CACNA2D1: variants seen among roughly 807,000 people sequenced by gnomAD.
CACNA2D1 encodes voltage-dependent calcium channel subunit alpha-2/delta-1.
Under a neutral mutation model 171.5 loss-of-function variants are expected in CACNA2D1, and 53 were observed. The ratio of observed to expected loss-of-function variants is 0.31; its 90% CI spans 0.25 to 0.39. CACNA2D1 has a LOEUF of 0.39. Ranked by LOEUF, CACNA2D1 falls within the 10% of genes least tolerant of loss-of-function variation. The probability of loss-of-function intolerance (pLI) is 1.00; values close to 1 mark genes in which losing one functional copy is unlikely to be tolerated. For missense variants in CACNA2D1, 903 were observed against 1,299.8 expected (o/e 0.69, Z 4.69); for synonymous variants, 442 against 443.1 (o/e 1.00, Z 0.03).
intron 1 of CACNA2D1, among the ~76,000 whole-genome samples, chr7:82,419,066 C>T (rs1585894509): frequency 6.6e-6 from 1 of 150,740 alleles, no homozygotes; most frequent in Admixed American, 6.6e-5. Context: ...GCCGAGCTCG[C>T]GCCACTGCAC....
chr7:82,003,930 A>G (rs1798870094), intron 18 of CACNA2D1, among the ~76,000 whole-genome samples: 2 of 151,986 alleles, frequency 1.3e-5, no homozygotes, highest in African/African-American at 4.8e-5. Context: ...TTTTTAGTAG[A>G]GACAGGGTTT....
chr7:82,136,659 G>A lies in CACNA2D1; in HGVS notation c.372C>T (p.Tyr124=), dbSNP rs1791652140. 1.3e-6 allele frequency: 2 copies of A among 1,589,286 alleles called. No individual in the cohort carries two copies. The highest frequency in any genetic ancestry group is 1.7e-6 in the Non-Finnish European group (2 of 1,166,064). The change falls in exon 5 of 39, where the codon TAC becomes TAT. Residue 124 remains tyrosine (Y), a synonymous_variant. Coordinates refer to ENST00000356860, the MANE Select transcript of CACNA2D1 (RefSeq NM_000722.4). The stretch of plus-strand genomic sequence containing the variant: ...CATCGAGATCATCCTTTGCATTGTA[G>A]TAGACAACTTCATTGCTCTACAAAA... The part of the protein sequence containing the change: ...REDFASNEVV[Y]YNAKDDLDPE...
chr7:82,163,762 A>C (rs538939389), intron 4 of CACNA2D1, among the ~76,000 whole-genome samples: 2 of 152,128 alleles, frequency 1.3e-5, no homozygotes, highest in Non-Finnish European at 2.9e-5. Flanking sequence ...GTACAACAGT[A>C]ATAGGAGCTG....
intron 11 of CACNA2D1, among the ~76,000 whole-genome samples, chr7:82,035,808 T>C (rs545016476): frequency 9.2e-5 from 14 of 152,306 alleles, no homozygotes; most frequent in East Asian, 3.9e-4. Context: ...AAAACAACCA[T>C]ATTCCTTTAC....
intron 10 of CACNA2D1, among the ~76,000 whole-genome samples, chr7:82,047,497 ATAC>A (rs1456444558): frequency 6.6e-6 from 1 of 152,180 alleles, no homozygotes; most frequent in African/African-American, 2.4e-5. Flanking sequence ...TAGAGCAGAG[ATAC>A]TACAATACTG....
chr7:82,332,558 G>GAAAC, intron 3 of CACNA2D1, among the ~76,000 whole-genome samples: 1 of 138,050 alleles, frequency 7.2e-6, no homozygotes, highest in Non-Finnish European at 1.6e-5. Context: ...AAGAAAGAAA[G>GAAAC]AAAGAAAGAA....
chr7:82,087,166 C>T (rs1033172250), intron 6 of CACNA2D1, among the ~76,000 whole-genome samples: 4 of 151,940 alleles, frequency 2.6e-5, no homozygotes, highest in African/African-American at 9.7e-5. Context: ...TTTGATATAC[C>T]CAATGTGTAG....
chr7:82,144,632 A>G (rs1792775149), intron 4 of CACNA2D1, among the ~76,000 whole-genome samples: 1 of 151,996 alleles, frequency 6.6e-6, no homozygotes, highest in South Asian at 2.1e-4. Flanking sequence ...TCCTATATAA[A>G]GCATTTTAAT....
At chr7:82,096,946 C>A (rs1251532594) in intron 6 of CACNA2D1, among the ~76,000 whole-genome samples, 1 of 152,056 alleles carries the variant, frequency 6.6e-6, no homozygotes, top group Admixed American at 6.6e-5. Flanking sequence ...GCATCTAAAT[C>A]AAATTTTGCT....
intron 3 of CACNA2D1, among the ~76,000 whole-genome samples, chr7:82,312,978 CCT>C (rs1814663333): frequency 6.6e-6 from 1 of 152,108 alleles, no homozygotes; most frequent in South Asian, 2.1e-4. Context: ...CATAGAAATG[CCT>C]GTTATTAACG....
At chr7:82,095,563 A>C (rs1423769661) in intron 6 of CACNA2D1, among the ~76,000 whole-genome samples, 1 of 152,178 alleles carries the variant, frequency 6.6e-6, no homozygotes, top group Admixed American at 6.5e-5. Flanking sequence ...CATTATGTAC[A>C]ATAGCTAGGG....
chr7:82,282,702 T>TG (rs1491274328), intron 3 of CACNA2D1, among the ~76,000 whole-genome samples: 1,589 of 104,854 alleles, frequency 0.015, 59 homozygotes, highest in South Asian at 0.063. Context: ...AATTGTAAAA[T>TG]GTGGGGGGGG....
At chr7:82,084,178 A>G (rs1322496024) in intron 7 of CACNA2D1, among the ~76,000 whole-genome samples, 1 of 152,132 alleles carries the variant, frequency 6.6e-6, no homozygotes, top group Admixed American at 6.5e-5. Flanking sequence ...TTTTTATAAT[A>G]CATATTTATA....
At chr7:82,201,625 C>T (rs1003037643) in intron 3 of CACNA2D1, among the ~76,000 whole-genome samples, 1 of 152,194 alleles carries the variant, frequency 6.6e-6, no homozygotes, top group African/African-American at 2.4e-5. Context: ...ACAGCTGCCC[C>T]TTCTCTAAAG....
rs116375999 is a variant in CACNA2D1, at chr7:82,196,128, G to C, written c.295-25519C>G. Among the ~76,000 whole-genome samples the C allele has an allele frequency of 1.5e-3, 226 of 152,106 alleles. 3 individuals carry two copies. Among genetic ancestry groups the C allele is most frequent in the African/African-American group, 5.2e-3 (217 of 41,530 alleles). On this transcript the variant is annotated intron_variant, in intron 3 of 38. Coordinates refer to ENST00000356860, the MANE Select transcript of CACNA2D1 (RefSeq NM_000722.4). ...CCACAGCCAACCAACTATCCTCTTT[G>C]CTTTTTATTACATAGCTTCAAAGTA... is the stretch of plus-strand genomic sequence containing the variant.
intron 3 of CACNA2D1, among the ~76,000 whole-genome samples, chr7:82,254,624 T>C (rs1163437114): frequency 2.6e-5 from 4 of 152,180 alleles, no homozygotes; most frequent in Admixed American, 6.5e-5. Context: ...TAAAAGCATT[T>C]ACATCCCTTT....
intron 10 of CACNA2D1, among the ~76,000 whole-genome samples, chr7:82,039,152 AG>A (rs1157093105): frequency 2.0e-5 from 3 of 152,210 alleles, no homozygotes; most frequent in African/African-American, 7.2e-5. Flanking sequence ...GCCAGAAAAA[AG>A]GGACTGGCCA....
chr7:82,325,779 T>TA (rs989762600), intron 3 of CACNA2D1, among the ~76,000 whole-genome samples: 1 of 152,210 alleles, frequency 6.6e-6, no homozygotes, highest in African/African-American at 2.4e-5. Flanking sequence ...TTTTTGTAGA[T>TA]ACAGCAGGTC....
At chr7:82,080,645 A>G (rs1017179824) in intron 7 of CACNA2D1, among the ~76,000 whole-genome samples, 1 of 152,360 alleles carries the variant, frequency 6.6e-6, no homozygotes, top group East Asian at 1.9e-4. Context: ...CTTATTTGAA[A>G]TTGACATTTA....
Sources: allele counts gnomAD v4.1 joint callset (sites outside exome capture counted in the v4.1 genomes callset), GRCh38; gene constraint gnomAD v4.1.1; transcripts MANE v1.5; gene names NCBI Gene and HGNC (gene_info 2026-07-23, HGNC 2026-07-21).